Variants in SLC12A8 observed in about 807,000 individuals in gnomAD.
SLC12A8 encodes the protein solute carrier family 12 member 8, also known as cation-chloride cotransporter 9.
Under a neutral mutation model 75.6 loss-of-function variants are expected in SLC12A8, and 69 were observed. That is an observed-to-expected ratio of 0.91 (90% CI 0.75 to 1.11). The LOEUF is 1.11. SLC12A8 is among the 50% of genes most tolerant of loss of function. The pLI is 0.00. For missense variants in SLC12A8, 877 were observed against 896.7 expected (o/e 0.98, Z 0.28); for synonymous variants, 365 against 372.8 (o/e 0.98, Z 0.24).
At chr3:125,084,665 G>A (rs1044017472) in intron 13 of SLC12A8, among the ~76,000 whole-genome samples, 1 of 152,218 alleles carries the variant, frequency 6.6e-6, no homozygotes, top group African/African-American at 2.4e-5. Context: ...GGGATGCATA[G>A]GGAAAGTGCT....
At position 125,173,072 on chromosome 3, in the gene SLC12A8, G is replaced by A. The variant is rs530367615; in HGVS notation, c.622+4671C>T. ...TGCATGCCTGTAATCCCAGCTACTC[G>A]GGAGGCTGAGGCAGGAGAATTGCTT... On this transcript the variant is annotated intron_variant, in intron 5 of 13. Coordinates refer to ENST00000469902, the MANE Select transcript of SLC12A8 (RefSeq NM_024628.6). Among the ~76,000 whole-genome samples, 14 of 152,120 alleles carry A rather than the reference G, an allele frequency of 9.2e-5. No individual in the cohort carries two copies. In the South Asian group the frequency reaches 1.9e-3, roughly 20 times the overall value.
At chr3:125,100,470 T>C (rs1171371568) in intron 10 of SLC12A8, among the ~76,000 whole-genome samples, 1 of 151,730 alleles carries the variant, frequency 6.6e-6, no homozygotes, top group Non-Finnish European at 1.5e-5. Flanking sequence ...TGCAATGGCA[T>C]GATCTCGACT....
At position 125,187,318 on chromosome 3, in the gene SLC12A8, G is replaced by T. The variant is rs34985183; in HGVS notation, c.309C>A (p.Ser103Arg). Residue 103 changes from serine to arginine, a missense_variant, in exon 4 of 14, where the codon AGC (serine) becomes AGA (arginine). Physicochemically the swap from Ser to Arg is moderately radical, Grantham distance 110. Transcript: ENST00000469902. ...AGGAGATCATGGAGTAGACGCCACC[G>T]CTGCCGATGCTGCTGCGCTCCCCGA... ...IGVGERSSIG[S>R]GGVYSMISSV... 6.2e-7 allele frequency: 1 copy of T among 1,614,020 alleles called. No individual in the cohort carries two copies. The highest frequency in any genetic ancestry group is 2.2e-5 in the East Asian group (1 of 44,894).
chr3:125,118,740 G>C, intron 8 of SLC12A8, 29 bp downstream of exon 8: 2 of 1,560,032 alleles, frequency 1.3e-6, no homozygotes, highest in Non-Finnish European at 1.8e-6. Context: ...GGCAGACTGA[G>C]CCCTTGGAGT....
chr3:125,190,240 G>T, intron 3 of SLC12A8, 135 bp downstream of exon 3: 1 of 925,912 alleles, frequency 1.1e-6, no homozygotes, highest in Non-Finnish European at 1.7e-6. Context: ...GCTATTCATC[G>T]TGCTTGCTTC....
intron 13 of SLC12A8, among the ~76,000 whole-genome samples, chr3:125,087,141 C>T (rs1391713903): frequency 6.9e-6 from 1 of 144,142 alleles, no homozygotes; most frequent in African/African-American, 2.6e-5. Flanking sequence ...GTCAACTAGA[C>T]TGGAGTTCAG....
chr3:125,115,943 G>T (rs1939300533), intron 8 of SLC12A8, among the ~76,000 whole-genome samples: 1 of 152,200 alleles, frequency 6.6e-6, no homozygotes, highest in African/African-American at 2.4e-5. Flanking sequence ...GTGGCCGGTT[G>T]TGTCAAGTGA....
intron 3 of SLC12A8, among the ~76,000 whole-genome samples, chr3:125,190,120 T>A (rs1185211228): frequency 6.6e-6 from 1 of 152,246 alleles, no homozygotes; most frequent in Admixed American, 6.5e-5. Flanking sequence ...CGGCTCATGA[T>A]GAGCCCTGAC....
At chr3:125,134,089 GT>G (rs1311348574) in intron 6 of SLC12A8, among the ~76,000 whole-genome samples, 1 of 151,878 alleles carries the variant, frequency 6.6e-6, no homozygotes, top group East Asian at 1.9e-4. Context: ...CTATATTGTT[GT>G]GTGTATCGAT....
chr3:125,166,946 G>A (rs901097404), intron 5 of SLC12A8, among the ~76,000 whole-genome samples: 1 of 152,148 alleles, frequency 6.6e-6, no homozygotes, highest in African/African-American at 2.4e-5. Context: ...ATGAGCCTCC[G>A]GACAGTGGTC....
chr3:125,132,278 C>T (rs988017827), intron 6 of SLC12A8, among the ~76,000 whole-genome samples: 8 of 152,172 alleles, frequency 5.3e-5, no homozygotes, highest in African/African-American at 1.7e-4. Context: ...ATGAAAGCGA[C>T]GCACTATTTC....
intron 10 of SLC12A8, among the ~76,000 whole-genome samples, chr3:125,097,815 T>C (rs987401146): frequency 1.3e-5 from 2 of 152,044 alleles, no homozygotes; most frequent in Non-Finnish European, 2.9e-5. Flanking sequence ...AGAAAGCAAG[T>C]TGTACAAACT....
chr3:125,135,330 A>G (rs781578801), intron 6 of SLC12A8, among the ~76,000 whole-genome samples: 36 of 152,212 alleles, frequency 2.4e-4, no homozygotes, highest in Non-Finnish European at 4.3e-4. Flanking sequence ...GTTCAGCCCT[A>G]TGAGATATGT....
intron 5 of SLC12A8, among the ~76,000 whole-genome samples, chr3:125,144,896 AG>A (rs1052824523): frequency 6.6e-6 from 1 of 152,128 alleles, no homozygotes; most frequent in Non-Finnish European, 1.5e-5. Flanking sequence ...ATGTAAGCAG[AG>A]CCCCCCTCCT....
intron 2 of SLC12A8, among the ~76,000 whole-genome samples, chr3:125,202,426 G>A (rs1233919030): frequency 6.6e-6 from 1 of 152,280 alleles, no homozygotes; most frequent in South Asian, 2.1e-4. Context: ...CCACCTAATG[G>A]CACCTTATTC....
chr3:125,085,378 G>A (rs1402600924), intron 13 of SLC12A8, among the ~76,000 whole-genome samples: 2 of 152,154 alleles, frequency 1.3e-5, no homozygotes, highest in Non-Finnish European at 2.9e-5. Context: ...CTCAATGACA[G>A]GCTCAACTTC....
intron 5 of SLC12A8, chr3:125,151,434 G>A (rs1461596931): frequency 6.5e-6 from 1 of 154,230 alleles, no homozygotes; most frequent in Non-Finnish European, 1.5e-5. Flanking sequence ...AAATTGTGGA[G>A]ATACTTTCCG....
chr3:125,088,234 G>T, intron 13 of SLC12A8, 76 bp downstream of exon 13: 1 of 1,478,856 alleles, frequency 6.8e-7, no homozygotes, highest in Non-Finnish European at 9.4e-7. Context: ...GCCCAGCCAG[G>T]AATGGGACAC....
intron 4 of SLC12A8, among the ~76,000 whole-genome samples, chr3:125,179,727 G>GAGAGAGAGAGAGAA (rs1560077710): frequency 6.7e-6 from 1 of 150,306 alleles, no homozygotes. Context: ...GAGAGAGAGA[G>GAGAGAGAGAGAGAA]AGAGAAAGAG....
Sources: allele counts gnomAD v4.1 joint callset (sites outside exome capture counted in the v4.1 genomes callset), GRCh38; gene constraint gnomAD v4.1.1; transcripts MANE v1.5; gene names NCBI Gene and HGNC (gene_info 2026-07-23, HGNC 2026-07-21).